Variants in OPRPN observed in about 807,000 individuals in gnomAD.
OPRPN encodes the protein opiorphin prepropeptide.
In OPRPN, 1 loss-of-function variant was observed where a neutral mutation model predicts 2.2. The observed-to-expected ratio is 0.45, with a 90% CI of 0.16 to 2.15. The LOEUF (loss-of-function observed/expected upper bound fraction) is 2.15. Ranked by LOEUF, OPRPN falls within the 30% of genes most tolerant of loss-of-function variation. The probability of loss-of-function intolerance (pLI) is 0.28; values close to 1 mark genes in which losing one functional copy is unlikely to be tolerated. For missense variants in OPRPN, 306 were observed against 297.3 expected (o/e 1.03, Z -0.21); for synonymous variants, 126 against 111.5 (o/e 1.13, Z -0.82).
intron 2 of OPRPN, among the ~76,000 whole-genome samples, chr4:70,401,746 G>A (rs1163196804): frequency 2.6e-5 from 4 of 152,088 alleles, no homozygotes; most frequent in African/African-American, 9.7e-5. Flanking sequence ...CACAGGGATG[G>A]ATAATAGGCC....
chr4:70,398,185 CATT>C (rs942779912), intron 1 of OPRPN, 145 bp downstream of exon 1: 16 of 150,870 alleles, frequency 1.1e-4, no homozygotes, highest in Non-Finnish European at 2.4e-4. Context: ...AAAAAAAAAT[CATT>C]GTCTGTGGTA....
rs113191336 is a variant in OPRPN at position 70,409,290 on chromosome 4, A to G, written c.52-90A>G. 2,185 of 970,628 alleles carry G rather than the reference A, an allele frequency of 2.3e-3. 36 individuals are homozygous for G. The African/African-American group carries it at 0.032, about 14-fold the overall frequency. 60.1% of individuals were successfully genotyped at this position (970,628 alleles called of 1,614,324 possible). The stretch of plus-strand genomic sequence containing the variant: ...GTATATCCTAATGTTTACATAGTAG[A>G]TATATTAATACATAGTATATCCTAA... On this transcript the variant is annotated intron_variant, in intron 2 of 2. Coordinates refer to ENST00000399575, the MANE Select transcript of OPRPN (RefSeq NM_021225.5).
chr4:70,400,192 A>C (rs1159089714), intron 2 of OPRPN, among the ~76,000 whole-genome samples: 1 of 151,892 alleles, frequency 6.6e-6, no homozygotes, highest in African/African-American at 2.4e-5. Flanking sequence ...TGTTGGGCCT[A>C]GTGGTGGTTG....
chr4:70,406,816 C>A (rs1196488191), intron 2 of OPRPN, among the ~76,000 whole-genome samples: 1 of 152,078 alleles, frequency 6.6e-6, no homozygotes, highest in Non-Finnish European at 1.5e-5. Context: ...TTTAGGGCTG[C>A]CTTAGTTTGC....
chr4:70,398,592 A>G (rs1732908523), intron 1 of OPRPN, among the ~76,000 whole-genome samples: 1 of 151,926 alleles, frequency 6.6e-6, no homozygotes, highest in Non-Finnish European at 1.5e-5. Flanking sequence ...TTGCCTTCCC[A>G]GAACCCAGGG....
At chr4:70,399,060 C>G (rs1165304857) in intron 1 of OPRPN, among the ~76,000 whole-genome samples, 3 of 151,548 alleles carry the variant, frequency 2.0e-5, no homozygotes, top group Admixed American at 2.0e-4. Flanking sequence ...AAATAAAGTA[C>G]CACCATTAAA....
At chr4:70,399,747 CATGAT>C (rs1732932144) in intron 2 of OPRPN, among the ~76,000 whole-genome samples, 1 of 151,900 alleles carries the variant, frequency 6.6e-6, no homozygotes. Context: ...AAAAAGACAA[CATGAT>C]ATATCAATGC....
In OPRPN at chr4:70,410,092, A is replaced by G; in HGVS notation, c.*17A>G. 1 of 1,508,608 alleles carries G rather than the reference A, an allele frequency of 6.6e-7. No homozygotes were observed. The highest frequency in any genetic ancestry group is 8.9e-7 in the Non-Finnish European group (1 of 1,121,300). 93.5% of individuals were successfully genotyped at this position (1,508,608 alleles called of 1,614,324 possible). A position where few individuals can be genotyped will look rare whatever the true frequency, so the allele number is the denominator to read the frequency against. ...TTTGGTTGAACATGCAATAAATGAT[A>G]TTTTCCAAACTGCTCTGATATCTTA... On this transcript the variant is annotated 3_prime_UTR_variant, in exon 3 of 3. Coordinates refer to ENST00000399575, the MANE Select transcript of OPRPN (RefSeq NM_021225.5).
At chr4:70,404,312 C>A (rs935351511) in intron 2 of OPRPN, among the ~76,000 whole-genome samples, 2 of 152,132 alleles carry the variant, frequency 1.3e-5, no homozygotes, top group Non-Finnish European at 2.9e-5. Context: ...CCTTGTTGGT[C>A]TCCTTCTCCA....
Position 70,410,168 on chromosome 4 carries a change from C to A in OPRPN, c.*93C>A. 2 of 890,816 alleles carry A rather than the reference C, an allele frequency of 2.2e-6. No homozygotes were observed. Among genetic ancestry groups the A allele is most frequent in the South Asian group, 1.9e-5 (1 of 52,818 alleles). 55.2% of individuals were successfully genotyped at this position (890,816 alleles called of 1,614,324 possible). A position where few individuals can be genotyped will look rare whatever the true frequency, so the allele number is the denominator to read the frequency against. ...ATGGAACCAACCCTGATCTAACCAGCACACTAAATAAAGTATTTGAGCAAT... is the reference window on the plus strand; with the variant it reads ...ATGGAACCAACCCTGATCTAACCAGAACACTAAATAAAGTATTTGAGCAAT... On this transcript the variant is annotated 3_prime_UTR_variant, in exon 3 of 3. Transcript: ENST00000399575.
At chr4:70,407,742 A>G (rs1264944112) in intron 2 of OPRPN, among the ~76,000 whole-genome samples, 1 of 152,242 alleles carries the variant, frequency 6.6e-6, no homozygotes, top group Non-Finnish European at 1.5e-5. Flanking sequence ...GATTAGAAAG[A>G]GGTTTATTTT....
At chr4:70,398,616 T>C (rs1465738466) in intron 1 of OPRPN, among the ~76,000 whole-genome samples, 1 of 151,900 alleles carries the variant, frequency 6.6e-6, no homozygotes, top group Non-Finnish European at 1.5e-5. Context: ...CATGTGCTTC[T>C]TATATATTGT....
chr4:70,402,993 G>A (rs940108258), intron 2 of OPRPN, among the ~76,000 whole-genome samples: 1 of 151,964 alleles, frequency 6.6e-6, no homozygotes, highest in African/African-American at 2.4e-5. Context: ...TTTAGTACAT[G>A]AAGTCAGTAC....
At position 70,399,353 on chromosome 4, in the gene OPRPN, C is replaced by A; in HGVS notation, c.51+17C>A. 1 of 1,556,008 alleles carries A rather than the reference C, an allele frequency of 6.4e-7. No individual in the cohort carries two copies. Among genetic ancestry groups the A allele is most frequent in the Non-Finnish European group, 8.8e-7 (1 of 1,131,156 alleles). On this transcript the variant is annotated intron_variant, in intron 2 of 2. Coordinates refer to ENST00000399575, the MANE Select transcript of OPRPN (RefSeq NM_021225.5). Reference sequence around the variant, plus strand: ...TGTTTCACAGTAAGTTCCCTCAATTCTAAATTTACTTGTTATATTTATTGT... The same window carrying A: ...TGTTTCACAGTAAGTTCCCTCAATTATAAATTTACTTGTTATATTTATTGT...
intron 2 of OPRPN, among the ~76,000 whole-genome samples, chr4:70,408,917 A>G (rs1007981061): frequency 6.6e-6 from 1 of 152,196 alleles, no homozygotes; most frequent in African/African-American, 2.4e-5. Flanking sequence ...TTGTCCCTAG[A>G]AAGAAGTGTT....
intron 2 of OPRPN, chr4:70,399,571 G>C: frequency 5.2e-6 from 2 of 385,470 alleles, no homozygotes; most frequent in Non-Finnish European, 9.5e-6. Context: ...AGGGCAGGTA[G>C]TATCTAGGAG....
At chr4:70,402,118 G>A (rs1053564663) in intron 2 of OPRPN, among the ~76,000 whole-genome samples, 4 of 151,970 alleles carry the variant, frequency 2.6e-5, no homozygotes, top group Admixed American at 2.0e-4. Flanking sequence ...TCAAATAACC[G>A]AAGACAGACA....
At chr4:70,405,979 G>C (rs1433578406) in intron 2 of OPRPN, among the ~76,000 whole-genome samples, 1 of 152,012 alleles carries the variant, frequency 6.6e-6, no homozygotes, top group Admixed American at 6.6e-5. Context: ...GAGGTGGGAA[G>C]ATCACCTGAG....
At chr4:70,407,115 T>A (rs971108340) in intron 2 of OPRPN, among the ~76,000 whole-genome samples, 13 of 152,178 alleles carry the variant, frequency 8.5e-5, no homozygotes, top group African/African-American at 2.9e-4. Context: ...ACGTGGCCCT[T>A]ATTAATGCTC....
Sources: allele counts gnomAD v4.1 joint callset (sites outside exome capture counted in the v4.1 genomes callset), GRCh38; gene constraint gnomAD v4.1.1; transcripts MANE v1.5; gene names NCBI Gene and HGNC (gene_info 2026-07-23, HGNC 2026-07-21).